Variants in PRKG1 observed in about 807,000 individuals in gnomAD.
PRKG1 encodes the protein cGMP-dependent protein kinase 1.
PRKG1 carries 35 observed loss-of-function variants against 88.1 expected under a neutral mutation model. The observed-to-expected ratio is 0.40, with a 90% CI of 0.30 to 0.53. The LOEUF (loss-of-function observed/expected upper bound fraction) is 0.53, where lower values mean the gene tolerates loss of function less well. Among genes scored for constraint, PRKG1 ranks in the 20% least tolerant of loss-of-function variants. The pLI, the probability that PRKG1 is intolerant of heterozygous loss-of-function variation, is 0.59. For synonymous variants in PRKG1, 303 were observed against 292.5 expected, an observed-to-expected ratio of 1.04 and a Z score of -0.37; for missense variants, 540 against 839.8, an observed-to-expected ratio of 0.64 and a Z score of 4.41.
chr10:51,794,323 A>G (rs148998784), intron 3 of PRKG1, among the ~76,000 whole-genome samples: 1 of 152,164 alleles, frequency 6.6e-6, no homozygotes. Flanking sequence ...ATCAATAAAG[A>G]AACCCAGATA....
chr10:51,547,452 T>C (rs936900646), intron 3 of PRKG1, among the ~76,000 whole-genome samples: 1 of 152,090 alleles, frequency 6.6e-6, no homozygotes, highest in East Asian at 1.9e-4. Context: ...TTTGCCAAAA[T>C]TTTTGGATAC....
At chr10:52,233,674 A>G (rs566894657) in intron 9 of PRKG1, among the ~76,000 whole-genome samples, 3,381 of 111,746 alleles carry the variant, frequency 0.03, no homozygotes, top group African/African-American at 0.036. Flanking sequence ...TGCCCACGGA[A>G]TCTCGCTGAT....
chr10:51,441,797 T>C (rs1015677403), intron 2 of PRKG1, among the ~76,000 whole-genome samples: 1 of 152,022 alleles, frequency 6.6e-6, no homozygotes, highest in African/African-American at 2.4e-5. Flanking sequence ...AAAGGAATTG[T>C]TCTCCTGAGT....
chr10:51,549,227 G>A (rs1230252610), intron 3 of PRKG1, among the ~76,000 whole-genome samples: 1 of 144,496 alleles, frequency 6.9e-6, no homozygotes, highest in African/African-American at 2.6e-5. Context: ...AGGTTCAAGT[G>A]ATTCTCCTGC....
intron 8 of PRKG1, among the ~76,000 whole-genome samples, chr10:52,144,622 C>A (rs926192271): frequency 1.3e-5 from 2 of 152,054 alleles, no homozygotes; most frequent in African/African-American, 4.8e-5. Context: ...ACCAGCCTGG[C>A]CAACATGGTG....
At chr10:52,061,981 A>T (rs7070173) in intron 6 of PRKG1, among the ~76,000 whole-genome samples, 46,980 of 151,918 alleles carry the variant, frequency 0.31, 7,963 homozygotes, top group Non-Finnish European at 0.39. Flanking sequence ...GAAAGAAAAA[A>T]ATTGAAACAA....
rs115174370 is a variant in PRKG1 at position 52,211,471 on chromosome 10, A to G, written c.1077-40099A>G. On this transcript the variant is annotated intron_variant, in intron 9 of 17. Transcript: ENST00000373980. ...GTTGTAGGTTTTGTTTGCGAGTTCAACCGTCACTTGGTTATTTATTTCTAT... is the reference window on the plus strand; with the variant it reads ...GTTGTAGGTTTTGTTTGCGAGTTCAGCCGTCACTTGGTTATTTATTTCTAT... Among the ~76,000 whole-genome samples the G allele has an allele frequency of 2.7e-3, 412 of 152,270 alleles. 2 individuals are homozygous for G. The highest frequency in any genetic ancestry group is 9.3e-3 in the African/African-American group (386 of 41,564).
intron 7 of PRKG1, among the ~76,000 whole-genome samples, chr10:52,087,983 G>A (rs1554802237): frequency 6.6e-6 from 1 of 152,124 alleles, no homozygotes; most frequent in Non-Finnish European, 1.5e-5. Context: ...CCTTCATCAA[G>A]GACTAATGAA....
intron 3 of PRKG1, among the ~76,000 whole-genome samples, chr10:51,705,966 C>T (rs571220397): frequency 6.6e-6 from 1 of 152,316 alleles, no homozygotes; most frequent in African/African-American, 2.4e-5. Context: ...GACGCCTGGG[C>T]ACCATCTCCC....
At chr10:52,224,128 C>T (rs1325030636) in intron 9 of PRKG1, among the ~76,000 whole-genome samples, 1 of 152,104 alleles carries the variant, frequency 6.6e-6, no homozygotes, top group East Asian at 1.9e-4. Flanking sequence ...CAATGGTCTA[C>T]AAGGCCCCAG....
At chr10:51,845,853 T>C (rs1312595287) in intron 4 of PRKG1, among the ~76,000 whole-genome samples, 2 of 152,164 alleles carry the variant, frequency 1.3e-5, no homozygotes, top group African/African-American at 4.8e-5. Context: ...TATTCCTCAG[T>C]GTTACATGTT....
chr10:52,282,240 A>T lies in PRKG1; in HGVS notation c.1633A>T (p.Ile545Phe). The change falls in exon 14 of 18, where the codon ATC becomes TTC. Residue 545 changes from isoleucine (I) to phenylalanine (F), a missense_variant. Physicochemically the swap from Ile to Phe is conservative, Grantham distance 21. Coordinates refer to ENST00000373980, the MANE Select transcript of PRKG1 (RefSeq NM_006258.4). ...TCCAGAGTATGTAGCCCCAGAGATCATCCTGAACAAAGGCCATGACATTTC... is the reference window on the plus strand; with the variant it reads ...TCCAGAGTATGTAGCCCCAGAGATCTTCCTGAACAAAGGCCATGACATTTC... ...GTPEYVAPEIILNKGHDISAD... is the reference protein window; with the variant it reads ...GTPEYVAPEIFLNKGHDISAD... 3 of 1,612,270 alleles carry T rather than the reference A, an allele frequency of 1.9e-6. No individual in the cohort carries two copies. Among genetic ancestry groups the T allele is most frequent in the Non-Finnish European group, 2.5e-6 (3 of 1,178,814 alleles).
At chr10:51,167,971 G>A (rs1399492305) in intron 2 of PRKG1, among the ~76,000 whole-genome samples, 3 of 152,100 alleles carry the variant, frequency 2.0e-5, no homozygotes, top group African/African-American at 7.2e-5. Flanking sequence ...AATTAAAGTA[G>A]TTGTTTTACA....
chr10:51,528,207 CATT>C (rs1242589059), intron 3 of PRKG1, among the ~76,000 whole-genome samples: 4 of 152,196 alleles, frequency 2.6e-5, no homozygotes, highest in Admixed American at 1.3e-4. Context: ...CCACTAATCT[CATT>C]GTGTTTATTT....
chr10:51,637,835 T>C (rs1589151256), intron 3 of PRKG1, among the ~76,000 whole-genome samples: 1 of 152,084 alleles, frequency 6.6e-6, no homozygotes, highest in African/African-American at 2.4e-5. Context: ...AATACTTAGG[T>C]GATGGGATGA....
At chr10:51,516,684 C>T (rs1266221893) in intron 3 of PRKG1, among the ~76,000 whole-genome samples, 2 of 152,192 alleles carry the variant, frequency 1.3e-5, no homozygotes, top group African/African-American at 4.8e-5. Flanking sequence ...GGGACTGAAA[C>T]ACCTTCTAGC....
intron 9 of PRKG1, among the ~76,000 whole-genome samples, chr10:52,222,619 C>A (rs1840274953): frequency 6.6e-6 from 1 of 152,100 alleles, no homozygotes; most frequent in Non-Finnish European, 1.5e-5. Flanking sequence ...CATATAAAAC[C>A]CAGTACAACT....
intron 7 of PRKG1, among the ~76,000 whole-genome samples, chr10:52,129,303 AATG>A (rs747628008): frequency 1.6e-4 from 24 of 152,300 alleles, no homozygotes; most frequent in Admixed American, 4.6e-4. Context: ...TTTAAATTCA[AATG>A]ATATTTGCTT....
chr10:52,061,543 G>C (rs1846235788), intron 6 of PRKG1, among the ~76,000 whole-genome samples: 2 of 152,010 alleles, frequency 1.3e-5, no homozygotes, highest in Non-Finnish European at 2.9e-5. Context: ...TTTCATTCAT[G>C]CAACAAAAAA....
Sources: allele counts gnomAD v4.1 joint callset (sites outside exome capture counted in the v4.1 genomes callset), GRCh38; gene constraint gnomAD v4.1.1; transcripts MANE v1.5; gene names NCBI Gene and HGNC (gene_info 2026-07-23, HGNC 2026-07-21).